The following ME2 variants were observed in gnomAD, a reference collection of about 807,000 sequenced individuals.
The protein encoded by ME2 is NAD-dependent malic enzyme, mitochondrial.
In ME2, 60 loss-of-function variants were observed where a neutral mutation model predicts 73.7. The observed-to-expected ratio is 0.81, with a 90% CI of 0.66 to 1.01. The LOEUF is 1.01. Ranked by LOEUF, ME2 falls within the 50% of genes least tolerant of loss-of-function variation. ME2 has a pLI of 0.00. For missense variants in ME2, 594 were observed against 705.5 expected, an observed-to-expected ratio of 0.84 and a Z score of 1.79; for synonymous variants, 199 against 236.9, an observed-to-expected ratio of 0.84 and a Z score of 1.47.
At chr18:50,934,113 T>C (rs1917763361) in intron 13 of ME2, 1 of 152,232 alleles carries the variant, frequency 6.6e-6, no homozygotes, top group African/African-American at 2.4e-5. Flanking sequence ...ATGTCTTTAC[T>C]ATTGTGAATA....
rs1387243913 is a variant in ME2 at position 50,908,118 on chromosome 18, C to T, written c.164C>T (p.Pro55Leu). 2 of 1,603,706 alleles carry T rather than the reference C, an allele frequency of 1.2e-6. No homozygotes were observed. The highest frequency in any genetic ancestry group is 2.2e-5 in the South Asian group (2 of 89,524). Residue 55 changes from proline to leucine, a missense_variant, in exon 3 of 16, where the codon CCT (proline) becomes CTT (leucine). By Grantham distance (98) the Pro-to-Leu change is moderately conservative. Transcript: ENST00000321341. ...ATGCTTGGTCTTCAAGGACTTCTAC[C>T]TCCCAAAATAGAGACACAAGATATT... ...RQMLGLQGLLPPKIETQDIQA... is the reference protein window; with the variant it reads ...RQMLGLQGLLLPKIETQDIQA...
At chr18:50,914,753 A>G (rs1917244663) in intron 4 of ME2, among the ~76,000 whole-genome samples, 1 of 152,208 alleles carries the variant, frequency 6.6e-6, no homozygotes, top group Non-Finnish European at 1.5e-5. Flanking sequence ...GATACCAATG[A>G]GAAAGTTAAA....
chr18:50,936,484 G>A (rs1917822393), intron 13 of ME2, among the ~76,000 whole-genome samples: 1 of 152,122 alleles, frequency 6.6e-6, no homozygotes, highest in South Asian at 2.1e-4. Context: ...CAAAATGAAT[G>A]TTGTTTATAT....
At chr18:50,931,766 C>T (rs1396080558) in intron 12 of ME2, among the ~76,000 whole-genome samples, 2 of 151,986 alleles carry the variant, frequency 1.3e-5, no homozygotes, top group Middle Eastern at 3.2e-3. Context: ...CCTCTGCCTC[C>T]TGGGTTCAAG....
chr18:50,941,277 A>G (rs867493295), intron 15 of ME2, among the ~76,000 whole-genome samples: 59 of 130,876 alleles, frequency 4.5e-4, no homozygotes, highest in Middle Eastern at 3.9e-3. Context: ...AAAAAAAAAA[A>G]AAAGAAAGAA....
chr18:50,953,096 T>TC lies in ME2; in HGVS notation c.*5912_*5913insC, dbSNP rs1918256145. 1 of 151,162 alleles carries TC rather than the reference T, an allele frequency of 6.6e-6. No homozygotes were observed. The highest frequency in any genetic ancestry group is 2.4e-5 in the African/African-American group (1 of 41,058). The allele number at this position is 151,162 out of a possible 1,614,324, so 9.4% of individuals were successfully genotyped here. On this transcript the variant is annotated 3_prime_UTR_variant, in exon 16 of 16. Coordinates refer to ENST00000321341, the MANE Select transcript of ME2 (RefSeq NM_002396.5). ...AGATGAGAATTCTCACTTATTCTTT[T>TC]TTTTTTTTTTTTTTCTTTTCTTTGA...
At position 50,918,101 on chromosome 18, in the gene ME2, A is replaced by AT. The variant is rs771662956; in HGVS notation, c.631-5dup. The AT allele has an allele frequency of 6.5e-7, 1 of 1,539,774 alleles. No homozygotes were observed. Among genetic ancestry groups the AT allele is most frequent in the South Asian group, 1.2e-5 (1 of 80,310 alleles). Reference sequence around the variant, plus strand: ...ATTATTTTATTTTTACATTTGGTTTATTTTGTAGGCACTCTTAAAAGACCC... The same window carrying AT: ...ATTATTTTATTTTTACATTTGGTTTATTTTTGTAGGCACTCTTAAAAGACCC... On this transcript the variant is annotated splice_polypyrimidine_tract_variant and intron_variant, in intron 6 of 15. Coordinates refer to ENST00000321341, the MANE Select transcript of ME2 (RefSeq NM_002396.5).
At position 50,917,402 on chromosome 18, in the gene ME2, A is replaced by G. The variant is rs770014435; in HGVS notation, c.524A>G (p.Tyr175Cys). The stretch of plus-strand genomic sequence containing the variant: ...CTGGGTCTTGGAGATCTGGGTGTCT[A>G]TGGAATGGGAATTCCAGTAGGAAAA... ...RILGLGDLGVYGMGIPVGKLC... is the reference protein window; with the variant it reads ...RILGLGDLGVCGMGIPVGKLC... The change falls in exon 6 of 16, where the codon TAT becomes TGT. Residue 175 changes from tyrosine to cysteine, a missense_variant. Transcript: ENST00000321341. 5.6e-6 allele frequency: 9 copies of G among 1,613,410 alleles called. No homozygotes were observed. Among genetic ancestry groups the G allele is most frequent in the Non-Finnish European group, 7.6e-6 (9 of 1,179,508 alleles).
At chr18:50,893,124 CAAAAAAAAAAA>C (rs56104427) in intron 1 of ME2, among the ~76,000 whole-genome samples, 21 of 78,082 alleles carry the variant, frequency 2.7e-4, no homozygotes, top group Non-Finnish European at 3.3e-4. Flanking sequence ...GACTCTATCT[CAAAAAAAAAAA>C]AAAAAAAAAA....
In ME2 at chr18:50,948,316, C is replaced by T. The variant is rs1918137332; in HGVS notation, c.*1132C>T. 6.6e-6 allele frequency: 1 copy of T among 151,994 alleles called. No individual in the cohort carries two copies. Among genetic ancestry groups the T allele is most frequent in the African/African-American group, 2.4e-5 (1 of 41,374 alleles). The allele number at this position is 151,994 out of a possible 1,614,324, so 9.4% of individuals were successfully genotyped here. A position where few individuals can be genotyped will look rare whatever the true frequency, so the allele number is the denominator to read the frequency against. ...CAGTAAAATGGGTAATAATGGCTAT[C>T]CAGAACAGTTTTCTTGTGTGGCTTG... is the stretch of plus-strand genomic sequence containing the variant. On this transcript the variant is annotated 3_prime_UTR_variant, in exon 16 of 16. Coordinates refer to ENST00000321341, the MANE Select transcript of ME2 (RefSeq NM_002396.5).
chr18:50,907,269 G>A (rs1417466274), intron 2 of ME2, among the ~76,000 whole-genome samples: 1 of 152,186 alleles, frequency 6.6e-6, no homozygotes, highest in Non-Finnish European at 1.5e-5. Context: ...CCAGGCTGCT[G>A]ATTTTCATAG....
At chr18:50,908,294 A>G (rs773823927) in intron 3 of ME2, 98 bp downstream of exon 3, 520 of 867,232 alleles carry the variant, frequency 6.0e-4, no homozygotes, top group Non-Finnish European at 8.3e-4. Context: ...ACAATCTTAT[A>G]TAAGTTTGTG....
chr18:50,929,594 C>T (rs1917646027), intron 12 of ME2, among the ~76,000 whole-genome samples: 1 of 151,996 alleles, frequency 6.6e-6, no homozygotes, highest in African/African-American at 2.4e-5. Context: ...AATAAATTCT[C>T]ATGACTGTTA....
intron 15 of ME2, among the ~76,000 whole-genome samples, chr18:50,942,193 A>C (rs1917980843): frequency 6.6e-6 from 1 of 152,172 alleles, no homozygotes; most frequent in Non-Finnish European, 1.5e-5. Context: ...TGATATGAGA[A>C]AGGGAAACAT....
At chr18:50,943,127 C>T (rs2144272616) in intron 15 of ME2, among the ~76,000 whole-genome samples, 1 of 151,414 alleles carries the variant, frequency 6.6e-6, no homozygotes, top group African/African-American at 2.4e-5. Flanking sequence ...ATGATGCTAG[C>T]TTTTGATTGA....
rs141979230 is a variant in ME2 at position 50,899,685 on chromosome 18, A to G, written c.108+3757A>G. 4.5e-3 allele frequency among the ~76,000 whole-genome samples: 684 copies of G among 152,310 alleles called. 5 individuals carry two copies. The highest frequency in any genetic ancestry group is 0.016 in the African/African-American group (663 of 41,562). On this transcript the variant is annotated intron_variant, in intron 2 of 15. Transcript: ENST00000321341. ...GGGACCACTGCTCTAGGAAGTTTTC[A>G]GTGACCCTTTTTCCTAATTCCTCAC...
At chr18:50,936,129 CA>C (rs1411061177) in intron 13 of ME2, among the ~76,000 whole-genome samples, 6 of 151,292 alleles carry the variant, frequency 4.0e-5, no homozygotes, top group Admixed American at 2.6e-4. Context: ...GCAGTCAGAA[CA>C]AAAAGATTTC....
chr18:50,935,111 T>C (rs925823419), intron 13 of ME2: 1 of 152,120 alleles, frequency 6.6e-6, no homozygotes. Context: ...ACCTCAAGCC[T>C]CTGTTCGGGA....
At chr18:50,885,105 C>T (rs1359937450) in intron 1 of ME2, among the ~76,000 whole-genome samples, 2 of 152,178 alleles carry the variant, frequency 1.3e-5, no homozygotes, top group African/African-American at 4.8e-5. Context: ...ATCTGCCTGC[C>T]TCAGCCTCCC....
Sources: allele counts gnomAD v4.1 joint callset (sites outside exome capture counted in the v4.1 genomes callset), GRCh38; gene constraint gnomAD v4.1.1; transcripts MANE v1.5; gene names NCBI Gene and HGNC (gene_info 2026-07-23, HGNC 2026-07-21).